The following CACNA1B variants were observed in gnomAD, a reference collection of about 807,000 sequenced individuals.
CACNA1B encodes calcium voltage-gated channel subunit alpha1 B, also known as voltage-dependent N-type calcium channel subunit alpha-1B.
In CACNA1B, 70 loss-of-function variants were observed where a neutral mutation model predicts 247.2. The ratio of observed to expected loss-of-function variants is 0.28; its 90% CI spans 0.23 to 0.35. The LOEUF (loss-of-function observed/expected upper bound fraction) is 0.35. Ranked by LOEUF, CACNA1B falls within the 10% of genes least tolerant of loss-of-function variation. The pLI, the probability that CACNA1B is intolerant of heterozygous loss-of-function variation, is 1.00. For missense variants in CACNA1B, 2,367 were observed against 3,197.4 expected (o/e 0.74, Z 6.26); for synonymous variants, 1,231 against 1,294.4 (o/e 0.95, Z 1.05).
intron 40 of CACNA1B, among the ~76,000 whole-genome samples, chr9:138,113,401 T>G (rs1285061921): frequency 6.7e-6 from 1 of 149,564 alleles, no homozygotes; most frequent in African/African-American, 2.5e-5. Flanking sequence ...CAACTCCATC[T>G]TATGGGATAC....
rs114882163 is a variant in CACNA1B, at chr9:138,047,133, G to A, written c.3543+100G>A. 0.012 allele frequency: 13,591 copies of A among 1,109,496 alleles called. 125 individuals carry two copies. Among genetic ancestry groups the A allele is most frequent in the Middle Eastern group, 0.032 (108 of 3,422 alleles). The allele number at this position is 1,109,496 out of a possible 1,614,324, so 68.7% of individuals were successfully genotyped here. A position where few individuals can be genotyped will look rare whatever the true frequency, so the allele number is the denominator to read the frequency against. The stretch of plus-strand genomic sequence containing the variant: ...GCTGGGGTGGGGCTGAGGTCCTGTC[G>A]TCTCACAGGGCACCCCTCCTTCCTC... On this transcript the variant is annotated intron_variant, in intron 22 of 46. Coordinates refer to ENST00000371372, the MANE Select transcript of CACNA1B (RefSeq NM_000718.4).
Position 137,879,034 on chromosome 9 carries a change from C to T in CACNA1B, c.285-20C>T, listed in dbSNP as rs1261695808. 13 of 1,549,646 alleles carry T rather than the reference C, an allele frequency of 8.4e-6. No homozygotes were observed. Among genetic ancestry groups the T allele is most frequent in the East Asian group, 2.3e-5 (1 of 44,022 alleles). On this transcript the variant is annotated intron_variant, in intron 1 of 46. Transcript: ENST00000371372. Reference sequence around the variant, plus strand: ...TTTCCCTCCGTGCGGCGTCTGCCGGCCAGTCCTTAACTCACGCACTCCATT... The same window carrying T: ...TTTCCCTCCGTGCGGCGTCTGCCGGTCAGTCCTTAACTCACGCACTCCATT...
At chr9:138,021,137 G>C (rs929796686) in intron 18 of CACNA1B, among the ~76,000 whole-genome samples, 1 of 152,228 alleles carries the variant, frequency 6.6e-6, no homozygotes, top group African/African-American at 2.4e-5. Flanking sequence ...ACTGTTGGCA[G>C]TAGAGCCCTT....
chr9:138,000,193 G>A (rs1958551418), intron 15 of CACNA1B, among the ~76,000 whole-genome samples: 1 of 151,768 alleles, frequency 6.6e-6, no homozygotes, highest in Non-Finnish European at 1.5e-5. Flanking sequence ...CCGCCTCCCG[G>A]GTTCACGCCA....
intron 6 of CACNA1B, among the ~76,000 whole-genome samples, chr9:137,930,092 C>G (rs777474399): frequency 6.6e-6 from 1 of 152,186 alleles, no homozygotes; most frequent in Non-Finnish European, 1.5e-5. Flanking sequence ...CCACCGCATG[C>G]AGCCATTGTT....
chr9:138,115,614 G>T lies in CACNA1B; in HGVS notation c.5712G>T (p.Val1904=), dbSNP rs775763598. 5.0e-6 allele frequency: 8 copies of T among 1,613,826 alleles called. No individual in the cohort carries two copies. In the East Asian group the frequency reaches 1.8e-4, roughly 36 times the overall value. The part of the protein sequence containing the change: ...KATLEQTQPA[V]LRGARVFLRQ... ...CCCTGGAGCAGACACAGCCGGCTGT[G>T]CTCCGAGGAGCCCGGGTTTTCCTTC... Residue 1904 remains valine (V), a synonymous_variant, in exon 42 of 47, where the codon GTG becomes GTT. Coordinates refer to ENST00000371372, the MANE Select transcript of CACNA1B (RefSeq NM_000718.4).
In CACNA1B at chr9:138,073,984, G is replaced by C. The variant is rs374357475; in HGVS notation, c.4792-17G>C. 6.2e-7 allele frequency: 1 copy of C among 1,608,274 alleles called. No individual in the cohort carries two copies. The highest frequency in any genetic ancestry group is 1.7e-5 in the Admixed American group (1 of 60,020). Reference sequence around the variant, plus strand: ...GGCTGGGAGGTGCCTGTAGCTGACCGGCCCCTGTCTCCGCAGGCCCTGCCC... The same window carrying C: ...GGCTGGGAGGTGCCTGTAGCTGACCCGCCCCTGTCTCCGCAGGCCCTGCCC... On this transcript the variant is annotated splice_polypyrimidine_tract_variant and intron_variant, in intron 33 of 46. Transcript: ENST00000371372. This position sits in a 1 kb window ranked among gnomAD's most constrained non-coding sequence, Gnocchi z 6.4.
At position 137,971,932 on chromosome 9, in the gene CACNA1B, G is replaced by T. The variant is rs1958155902; in HGVS notation, c.1543+340G>T. The stretch of plus-strand genomic sequence containing the variant: ...AGGGGCGAGTCAGGCCAGGCAGATG[G>T]GTGTCCTCCCCTGAGAGGGCTTCAG... On this transcript the variant is annotated intron_variant, in intron 11 of 46. Coordinates refer to ENST00000371372, the MANE Select transcript of CACNA1B (RefSeq NM_000718.4). This position sits in a 1 kb window ranked among gnomAD's most constrained non-coding sequence, Gnocchi z 4.4. Among the ~76,000 whole-genome samples, 1 of 152,038 alleles carries T rather than the reference G, an allele frequency of 6.6e-6. No homozygotes were observed. The highest frequency in any genetic ancestry group is 2.4e-5 in the African/African-American group (1 of 41,384).
Position 137,918,175 on chromosome 9 carries a change from A to G in CACNA1B, c.966+744A>G, listed in dbSNP as rs566106113. 8.6e-5 allele frequency among the ~76,000 whole-genome samples: 13 copies of G among 151,654 alleles called. No individual in the cohort carries two copies. In the South Asian group the frequency reaches 1.9e-3, roughly 22 times the overall value. On this transcript the variant is annotated intron_variant, in intron 6 of 46. Coordinates refer to ENST00000371372, the MANE Select transcript of CACNA1B (RefSeq NM_000718.4). ...GTCTCTGCAGTTTACGGCAGCCTGG[A>G]TTTGGTGGCCATGATTGAAGTTGAG...
Position 137,950,073 on chromosome 9 carries a change from A to G in CACNA1B, c.967-2201A>G, listed in dbSNP as rs894431398. On this transcript the variant is annotated intron_variant, in intron 6 of 46. Coordinates refer to ENST00000371372, the MANE Select transcript of CACNA1B (RefSeq NM_000718.4). The surrounding 1 kb of genome is among the most constrained non-coding windows in gnomAD (Gnocchi z 4.8). ...CTGCGTTGGCTGTCAGGGAAGGAGG[A>G]GGGCTGCTGTCTTGTTGCCGGTGAG... Among the ~76,000 whole-genome samples the G allele has an allele frequency of 1.3e-5, 2 of 152,074 alleles. No homozygotes were observed. Among genetic ancestry groups the G allele is most frequent in the Non-Finnish European group, 2.9e-5 (2 of 68,016 alleles).
At chr9:137,993,198 A>T (rs1466497564) in intron 15 of CACNA1B, among the ~76,000 whole-genome samples, 1 of 152,136 alleles carries the variant, frequency 6.6e-6, no homozygotes, top group Non-Finnish European at 1.5e-5. Context: ...AGCGGAACTA[A>T]ATGAAATTGA....
chr9:137,917,245 G>A lies in CACNA1B; in HGVS notation c.780G>A (p.Ala260=), dbSNP rs201890344. ...GCTTCATTCTCCTTCTTGCAGATGC[G>A]GAGCCCGTGGGTGACTTCCCCTGTG... The part of the protein sequence containing the change: ...HKACFPNSTD[A]EPVGDFPCGK... Residue 260 remains alanine, a synonymous_variant, in exon 6 of 47, where the codon GCG becomes GCA. Transcript: ENST00000371372. This position sits in a 1 kb window ranked among gnomAD's most constrained non-coding sequence, Gnocchi z 5.5. 45 of 1,611,582 alleles carry A rather than the reference G, an allele frequency of 2.8e-5. No homozygotes were observed. Among genetic ancestry groups the A allele is most frequent in the African/African-American group, 9.4e-5 (7 of 74,854 alleles).
chr9:138,091,996 C>T (rs561723682), intron 36 of CACNA1B, among the ~76,000 whole-genome samples: 2 of 152,170 alleles, frequency 1.3e-5, no homozygotes, highest in East Asian at 3.9e-4. Flanking sequence ...TTAGGGATTT[C>T]AAAAGGGGAG....
chr9:138,053,809 C>T (rs1373957664), intron 25 of CACNA1B, 37 bp from the exon 26 acceptor site: 9 of 1,421,968 alleles, frequency 6.3e-6, no homozygotes, highest in East Asian at 2.7e-5. Context: ...CACCATGATT[C>T]CACCCCCTCA....
chr9:137,953,300 C>G (rs1016617848), intron 7 of CACNA1B, among the ~76,000 whole-genome samples: 2 of 152,226 alleles, frequency 1.3e-5, no homozygotes, highest in African/African-American at 4.8e-5. Context: ...CCCAGTGAGG[C>G]TGGAGGAGTA....
intron 3 of CACNA1B, among the ~76,000 whole-genome samples, chr9:137,893,923 T>A (rs1313295142): frequency 6.6e-6 from 1 of 152,118 alleles, no homozygotes; most frequent in African/African-American, 2.4e-5. Flanking sequence ...TTCCTCCTAC[T>A]TACCTCACCC....
At chr9:138,046,867 TG>T (rs1589093158) in intron 21 of CACNA1B, 36 bp from the exon 22 acceptor site, 13 of 1,598,984 alleles carry the variant, frequency 8.1e-6, no homozygotes, top group East Asian at 4.5e-5. Context: ...CGCGCCCGGC[TG>T]GGGGGCCTTG....
rs200502842 is a variant in CACNA1B at position 138,046,866 on chromosome 9, C to A, written c.3414-38C>A. ...CTGTGGCAAGGGGTGGCGCGCCCGG[C>A]TGGGGGGCCTTGTGGTGATCCGTGC... On this transcript the variant is annotated intron_variant, in intron 21 of 46. Coordinates refer to ENST00000371372, the MANE Select transcript of CACNA1B (RefSeq NM_000718.4). 304 of 1,597,812 alleles carry A rather than the reference C, an allele frequency of 1.9e-4. 2 individuals are homozygous for A. In the South Asian group the frequency reaches 2.1e-3, roughly 11 times the overall value.
rs750131398 is a variant in CACNA1B, at chr9:138,120,623, C to T, written c.6239-8C>T. On this transcript the variant is annotated splice_polypyrimidine_tract_variant and splice_region_variant and intron_variant, in intron 45 of 46. Coordinates refer to ENST00000371372, the MANE Select transcript of CACNA1B (RefSeq NM_000718.4). ...TGGCCGTGCTAACTTCTTCTCTTCC[C>T]TGGCCAGCACCAAGCAGTGCTGTGG... The T allele has an allele frequency of 2.7e-6, 4 of 1,488,416 alleles. No individual in the cohort carries two copies. The African/African-American group carries it at 4.3e-5, about 16-fold the overall frequency. 92.2% of individuals were successfully genotyped at this position (1,488,416 alleles called of 1,614,324 possible).
Sources: allele counts gnomAD v4.1 joint callset (sites outside exome capture counted in the v4.1 genomes callset), GRCh38; gene constraint gnomAD v4.1.1; non-coding constraint Gnocchi (gnomAD v3.1); transcripts MANE v1.5; gene names NCBI Gene and HGNC (gene_info 2026-07-23, HGNC 2026-07-21).